UHRF1: variants seen among roughly 807,000 people sequenced by gnomAD.
UHRF1 encodes the protein E3 ubiquitin-protein ligase UHRF1.
In UHRF1, 9 loss-of-function variants were observed where a neutral mutation model predicts 96.5. That is an observed-to-expected ratio of 0.09 (90% CI 0.06 to 0.16). The LOEUF (loss-of-function observed/expected upper bound fraction) is 0.16. Ranked by LOEUF, UHRF1 falls within the 10% of genes least tolerant of loss-of-function variation. UHRF1 has a pLI of 1.00. For synonymous variants in UHRF1, 455 were observed against 469.9 expected, an observed-to-expected ratio of 0.97 and a Z score of 0.41; for missense variants, 626 against 1,131.1, an observed-to-expected ratio of 0.55 and a Z score of 6.40.
intron 2 of UHRF1, among the ~76,000 whole-genome samples, chr19:4,911,273 G>T (rs1222850775): frequency 6.6e-6 from 1 of 152,130 alleles, no homozygotes; most frequent in African/African-American, 2.4e-5. Context: ...GAATCTATAG[G>T]GTCTGGGCTT....
At chr19:4,948,403 TAAATC>T (rs1487813622) in intron 11 of UHRF1, among the ~76,000 whole-genome samples, 2 of 152,156 alleles carry the variant, frequency 1.3e-5, no homozygotes, top group Admixed American at 1.3e-4. Context: ...ATTACATAAA[TAAATC>T]CTATAAATTA....
chr19:4,935,730 C>T (rs1267212778), intron 5 of UHRF1, among the ~76,000 whole-genome samples: 1 of 152,020 alleles, frequency 6.6e-6, no homozygotes, highest in Non-Finnish European at 1.5e-5. Flanking sequence ...GAGTGACAGT[C>T]CGTCAGCTCT....
chr19:4,938,761 T>G (rs952084480), intron 5 of UHRF1, among the ~76,000 whole-genome samples: 2 of 132,034 alleles, frequency 1.5e-5, no homozygotes, highest in African/African-American at 6.5e-5. Flanking sequence ...TTTTTTTTTT[T>G]GAGATAAGGT....
At chr19:4,949,130 A>G (rs1328632843) in intron 11 of UHRF1, among the ~76,000 whole-genome samples, 1 of 151,988 alleles carries the variant, frequency 6.6e-6, no homozygotes, top group African/African-American at 2.4e-5. Flanking sequence ...GCAAAAAAAA[A>G]AAAAGAGAAT....
intron 1 of UHRF1, 89 bp downstream of exon 1, chr19:4,909,744 G>T: frequency 2.0e-6 from 1 of 489,130 alleles, no homozygotes. Context: ...CGGCCAGCCC[G>T]GGCGCACGCA....
intron 3 of UHRF1, among the ~76,000 whole-genome samples, chr19:4,929,966 AATTTTATTTT>A (rs1276895865): frequency 6.6e-6 from 1 of 151,768 alleles, no homozygotes. Flanking sequence ...ACGCCCAGCT[AATTTTATTTT>A]ATTTTATTAC....
intron 2 of UHRF1, among the ~76,000 whole-genome samples, chr19:4,919,519 G>A (rs1462886310): frequency 6.6e-6 from 1 of 151,774 alleles, no homozygotes; most frequent in African/African-American, 2.4e-5. Context: ...AGCCAGGATG[G>A]TTTCGATCTC....
chr19:4,915,984 C>G (rs2032483625), intron 2 of UHRF1, among the ~76,000 whole-genome samples: 1 of 152,108 alleles, frequency 6.6e-6, no homozygotes, highest in Non-Finnish European at 1.5e-5. Flanking sequence ...GAGCCTGTGT[C>G]TGTGTGGATT....
chr19:4,924,607 C>G lies in UHRF1; in HGVS notation c.154-4615C>G, dbSNP rs1014005878. Among the ~76,000 whole-genome samples, 5 of 152,178 alleles carry G rather than the reference C, an allele frequency of 3.3e-5. No homozygotes were observed. In the South Asian group the frequency reaches 1.0e-3, roughly 32 times the overall value. On this transcript the variant is annotated intron_variant, in intron 2 of 16. Coordinates refer to ENST00000650932, the MANE Select transcript of UHRF1 (RefSeq NM_001048201.3). The stretch of plus-strand genomic sequence containing the variant: ...CCCTTTTTTAGAAAAAATTAATAAA[C>G]TTTATTTTCTAGAGCAGTTCTAGGT...
At chr19:4,951,984 G>T (rs970463520) in intron 13 of UHRF1, among the ~76,000 whole-genome samples, 1 of 152,206 alleles carries the variant, frequency 6.6e-6, no homozygotes, top group African/African-American at 2.4e-5. Flanking sequence ...GGGTCACTCA[G>T]GTTGTCTTTT....
At chr19:4,924,044 G>A (rs938602545) in intron 2 of UHRF1, among the ~76,000 whole-genome samples, 2 of 152,210 alleles carry the variant, frequency 1.3e-5, no homozygotes, top group Non-Finnish European at 2.9e-5. Flanking sequence ...CTGGCTCACT[G>A]CAACCTCCAC....
chr19:4,932,978 G>A (rs370471967), intron 5 of UHRF1, 22 bp downstream of exon 5: 60 of 1,579,980 alleles, frequency 3.8e-5, no homozygotes, highest in Non-Finnish European at 4.6e-5. Flanking sequence ...GTCCTGGGGC[G>A]AGCCCTTCCT....
chr19:4,942,223 C>G (rs1336252787), intron 7 of UHRF1, among the ~76,000 whole-genome samples: 3 of 151,382 alleles, frequency 2.0e-5, no homozygotes, highest in African/African-American at 7.3e-5. Flanking sequence ...GGCGGAGTCT[C>G]GCTGTCTCCC....
At chr19:4,925,917 G>A (rs914122222) in intron 2 of UHRF1, among the ~76,000 whole-genome samples, 1 of 146,712 alleles carries the variant, frequency 6.8e-6, no homozygotes, top group African/African-American at 2.5e-5. Context: ...TTCTTTTTGA[G>A]ACGGAGTTTT....
rs1227337558 is a variant in UHRF1 at position 4,938,770 on chromosome 19, G to T, written c.786-2758G>T. Among the ~76,000 whole-genome samples the T allele has an allele frequency of 1.8e-4, 15 of 85,198 alleles. No homozygotes were observed. In the Admixed American group the frequency reaches 2.0e-3, roughly 11 times the overall value. The allele number at this position is 85,198 out of a possible 152,430, so 55.9% of individuals were successfully genotyped here. On this transcript the variant is annotated intron_variant, in intron 5 of 16. Transcript: ENST00000650932. ...TTTTTTTTTTTTTTTTTGAGATAAG[G>T]TCTTGCTCTGTTGCCCAGGCTGGAG...
intron 9 of UHRF1, 73 bp downstream of exon 9, chr19:4,944,523 C>T (rs2033506283): frequency 6.5e-7 from 1 of 1,549,490 alleles, no homozygotes; most frequent in Non-Finnish European, 8.9e-7. Flanking sequence ...TTTCTCCTGG[C>T]TTTGGCCAGC....
At chr19:4,947,488 A>ATTTTTTTTTTTTTTTTTTTTTTT (rs1568427975) in intron 11 of UHRF1, among the ~76,000 whole-genome samples, 1 of 70,372 alleles carries the variant, frequency 1.4e-5, no homozygotes, top group Non-Finnish European at 2.8e-5. Context: ...GATAATAGAT[A>ATTTTTTTTTTTTTTTTTTTTTTT]TCTTTTTTTT....
At chr19:4,931,021 G>C (rs1344049939) in intron 4 of UHRF1, 145 bp downstream of exon 4, 4 of 1,133,270 alleles carry the variant, frequency 3.5e-6, no homozygotes, top group Non-Finnish European at 5.0e-6. Flanking sequence ...AACAGCATAC[G>C]AGGCTGCCCA....
At chr19:4,938,730 G>GGGTTTTTT (rs1568421924) in intron 5 of UHRF1, among the ~76,000 whole-genome samples, 1 of 61,566 alleles carries the variant, frequency 1.6e-5, no homozygotes, top group Non-Finnish European at 2.9e-5. Flanking sequence ...TTTTGGTCAG[G>GGGTTTTTT]TTTTTTTTTT....
Sources: gnomAD v4.1 joint callset for allele counts (sites outside exome capture counted in the v4.1 genomes callset) on GRCh38, gnomAD v4.1.1 for gene constraint, MANE v1.5 for transcripts, NCBI Gene and HGNC (gene_info 2026-07-23, HGNC 2026-07-21) for gene names.